Variants in XKR3 observed in about 807,000 individuals in gnomAD.
The protein encoded by XKR3 is XK-related protein 3.
A neutral mutation model predicts 40.3 loss-of-function variants in XKR3; 27 were observed. The observed-to-expected ratio is 0.67, with a 90% CI of 0.49 to 0.92. The LOEUF is 0.92. Ranked by LOEUF, XKR3 falls within the 40% of genes least tolerant of loss-of-function variation. The pLI, the probability that XKR3 is intolerant of heterozygous loss-of-function variation, is 0.00. For synonymous variants in XKR3, 193 were observed against 195.4 expected, an observed-to-expected ratio of 0.99 and a Z score of 0.10; for missense variants, 472 against 537.6, an observed-to-expected ratio of 0.88 and a Z score of 1.21.
At chr22:16,790,470 G>A (rs1348565377) in intron 3 of XKR3, among the ~76,000 whole-genome samples, 3 of 151,942 alleles carry the variant, frequency 2.0e-5, no homozygotes, top group African/African-American at 4.8e-5. Flanking sequence ...CAAATACCAC[G>A]TGTTCTCACT....
At position 16,811,752 on chromosome 22, in the gene XKR3, A is replaced by T. The variant is rs1212891711; in HGVS notation, c.-10-3669T>A. On this transcript the variant is annotated intron_variant, in intron 1 of 3. Coordinates refer to ENST00000684488, the MANE Select transcript of XKR3 (RefSeq NM_001386955.1). ...GGCCGGGCACGGTGGCTCACGCCTG[A>T]AATCCCAACACTTTAGGAGGCTGAG... Among the ~76,000 whole-genome samples, 14 of 152,160 alleles carry T rather than the reference A, an allele frequency of 9.2e-5. No homozygotes were observed. In the South Asian group the frequency reaches 1.9e-3, roughly 21 times the overall value.
At chr22:16,791,545 T>TAAA (rs59823117) in intron 3 of XKR3, among the ~76,000 whole-genome samples, 274 of 141,666 alleles carry the variant, frequency 1.9e-3, no homozygotes, top group African/African-American at 6.3e-3. Flanking sequence ...CTTACCAAAA[T>TAAA]AAAAAAAAAA....
intron 3 of XKR3, among the ~76,000 whole-genome samples, chr22:16,794,954 A>C (rs1447272171): frequency 8.5e-5 from 13 of 152,234 alleles, no homozygotes; most frequent in African/African-American, 2.7e-4. Flanking sequence ...ACACTGTCCT[A>C]AATACACATA....
chr22:16,819,196 T>C (rs1265236023), intron 1 of XKR3, among the ~76,000 whole-genome samples: 1 of 152,144 alleles, frequency 6.6e-6, no homozygotes, highest in African/African-American at 2.4e-5. Flanking sequence ...ACTCAATATG[T>C]TGTGTTAATC....
chr22:16,806,235 G>C (rs1413068521), intron 2 of XKR3, among the ~76,000 whole-genome samples: 2 of 134,762 alleles, frequency 1.5e-5, no homozygotes, highest in African/African-American at 5.5e-5. Context: ...CTCCAGCCTC[G>C]GTGAAAAAGA....
intron 3 of XKR3, among the ~76,000 whole-genome samples, chr22:16,792,847 C>T (rs2060126068): frequency 6.6e-6 from 1 of 152,138 alleles, no homozygotes; most frequent in Non-Finnish European, 1.5e-5. Flanking sequence ...ATGTTGCAAC[C>T]AGCACTTCCC....
At chr22:16,821,891 A>C (rs1601854042) in intron 1 of XKR3, among the ~76,000 whole-genome samples, 1 of 152,172 alleles carries the variant, frequency 6.6e-6, no homozygotes. Context: ...ATGGAGTTAC[A>C]GTTTAGTTTT....
In XKR3 at chr22:16,807,760, A is replaced by G; in HGVS notation, c.314T>C (p.Leu105Pro). Residue 105 changes from leucine to proline, a missense_variant, in exon 2 of 4, where the codon CTT (leucine) becomes CCT (proline). Transcript: ENST00000684488. ...NKAALLFWHILLLGPIVRCLH... is the reference protein window; with the variant it reads ...NKAALLFWHIPLLGPIVRCLH... The stretch of plus-strand genomic sequence containing the variant: ...TTACCTCACAATAGGTCCTAAAAGA[A>G]GAATGTGCCAAAAAAGTAATGCAGC... The G allele has an allele frequency of 1.9e-6, 3 of 1,606,354 alleles. No homozygotes were observed. In the South Asian group the frequency reaches 3.3e-5, roughly 18 times the overall value.
chr22:16,797,753 A>G (rs1052286041), intron 3 of XKR3, among the ~76,000 whole-genome samples: 1 of 150,322 alleles, frequency 6.7e-6, no homozygotes, highest in African/African-American at 2.4e-5. Flanking sequence ...AGATTGCACC[A>G]CTGCACTCCA....
chr22:16,799,102 T>C (rs2060155144), intron 3 of XKR3, among the ~76,000 whole-genome samples: 1 of 152,112 alleles, frequency 6.6e-6, no homozygotes, highest in Non-Finnish European at 1.5e-5. Context: ...TTTCATGCAG[T>C]TTCGACTTCT....
chr22:16,791,913 GTTT>G (rs10617091), intron 3 of XKR3, among the ~76,000 whole-genome samples: 109,793 of 150,056 alleles, frequency 0.73, 40,215 homozygotes, highest in Middle Eastern at 0.86. Flanking sequence ...TTTTCTTTTT[GTTT>G]TTTTTTTTTG....
chr22:16,818,602 C>A (rs2060243192), intron 1 of XKR3, among the ~76,000 whole-genome samples: 1 of 152,110 alleles, frequency 6.6e-6, no homozygotes, highest in African/African-American at 2.4e-5. Context: ...AGAAAAAAAA[C>A]TACTACTTCA....
intron 1 of XKR3, among the ~76,000 whole-genome samples, chr22:16,813,682 C>T (rs1027952800): frequency 6.6e-6 from 1 of 152,128 alleles, no homozygotes; most frequent in Admixed American, 6.5e-5. Context: ...TACAAATGTT[C>T]ACAATTATAT....
chr22:16,809,096 G>A (rs2060202558), intron 1 of XKR3, among the ~76,000 whole-genome samples: 1 of 152,104 alleles, frequency 6.6e-6, no homozygotes, highest in Non-Finnish European at 1.5e-5. Context: ...TATTTTATTT[G>A]ACAAGTTGTT....
chr22:16,793,264 G>A (rs28446412), intron 3 of XKR3, among the ~76,000 whole-genome samples: 3 of 152,122 alleles, frequency 2.0e-5, no homozygotes, highest in East Asian at 1.9e-4. Context: ...TGTCCGCCTC[G>A]GCCTCCCAAA....
In XKR3 at chr22:16,784,254, G is replaced by GT. The variant is rs2060079833; in HGVS notation, c.744dup (p.Arg249ThrfsTer49). The GT allele has an allele frequency of 6.2e-7, 1 of 1,614,098 alleles. No homozygotes were observed. The highest frequency in any genetic ancestry group is 8.5e-7 in the Non-Finnish European group (1 of 1,180,022). On this transcript the variant is annotated frameshift_variant, in exon 4 of 4. Transcript: ENST00000684488. LOFTEE classifies it high-confidence loss of function. ...ATGAAAAATGCCAGAGTCACTACAC[G>GT]TGAGATAACCTCCAAAAAACGCCAC...
intron 1 of XKR3, among the ~76,000 whole-genome samples, chr22:16,818,958 A>G (rs1383080526): frequency 6.6e-6 from 1 of 152,136 alleles, no homozygotes; most frequent in Non-Finnish European, 1.5e-5. Flanking sequence ...AACAGTTGAA[A>G]TGAATCTAAA....
intron 1 of XKR3, among the ~76,000 whole-genome samples, chr22:16,809,571 C>T (rs1303598961): frequency 6.6e-6 from 1 of 152,174 alleles, no homozygotes; most frequent in Admixed American, 6.5e-5. Flanking sequence ...CAAAAGTCAT[C>T]AGTGACACCC....
At chr22:16,806,738 T>C (rs565968713) in intron 2 of XKR3, among the ~76,000 whole-genome samples, 4 of 152,124 alleles carry the variant, frequency 2.6e-5, no homozygotes, top group Non-Finnish European at 5.9e-5. Context: ...ACACCCAACC[T>C]ACAGTTAAGT....
Sources: allele counts gnomAD v4.1 joint callset (sites outside exome capture counted in the v4.1 genomes callset), GRCh38; gene constraint gnomAD v4.1.1; transcripts MANE v1.5; gene names NCBI Gene and HGNC (gene_info 2026-07-23, HGNC 2026-07-21).